The following NAV2 variants were observed in gnomAD, a reference collection of about 807,000 sequenced individuals.
The protein encoded by NAV2 is neuron navigator 2.
In NAV2, 54 loss-of-function variants were observed where a neutral mutation model predicts 223.2. The observed-to-expected ratio is 0.24, with a 90% confidence interval of 0.19 to 0.30. The LOEUF is 0.30. NAV2 is among the 10% of genes least tolerant of loss of function. NAV2 has a pLI of 1.00. For missense variants in NAV2, 2,806 were observed against 3,147.5 expected (o/e 0.89, Z 2.60); for synonymous variants, 1,279 against 1,239.3 (o/e 1.03, Z -0.67).
At chr11:19,746,375 T>A (rs532450057) in intron 1 of NAV2, among the ~76,000 whole-genome samples, 1 of 12,290 alleles carries the variant, frequency 8.1e-5, no homozygotes, top group Admixed American at 1.5e-3. Flanking sequence ...CGTTTGTATG[T>A]TTTTTTTTAA....
intron 1 of NAV2, among the ~76,000 whole-genome samples, chr11:19,497,822 A>G (rs2042845590): frequency 2.0e-5 from 3 of 152,170 alleles, no homozygotes; most frequent in Admixed American, 2.0e-4. Flanking sequence ...CTTCTGCTCC[A>G]TCACTGTGTT....
chr11:20,013,021 C>G (rs2053697328), intron 11 of NAV2, among the ~76,000 whole-genome samples: 1 of 152,110 alleles, frequency 6.6e-6, no homozygotes, highest in African/African-American at 2.4e-5. Context: ...ACAGTAAACA[C>G]CATGATAAGA....
intron 6 of NAV2, among the ~76,000 whole-genome samples, chr11:19,911,802 A>G (rs1465873395): frequency 6.6e-6 from 1 of 152,148 alleles, no homozygotes; most frequent in Non-Finnish European, 1.5e-5. Context: ...CTTTGCTAAT[A>G]ACTTGGTTGA....
intron 11 of NAV2, among the ~76,000 whole-genome samples, chr11:20,025,755 C>T (rs1368884977): frequency 6.6e-6 from 1 of 152,210 alleles, no homozygotes; most frequent in African/African-American, 2.4e-5. Flanking sequence ...TGGCCTTGCA[C>T]CTGGCACCGT....
intron 36 of NAV2, among the ~76,000 whole-genome samples, chr11:20,112,803 C>T (rs911117565): frequency 6.6e-6 from 1 of 152,216 alleles, no homozygotes; most frequent in African/African-American, 2.4e-5. Context: ...ATTGGCCCAT[C>T]TGGTAAATGA....
chr11:19,800,848 G>A (rs981494508), intron 1 of NAV2, among the ~76,000 whole-genome samples: 2 of 152,128 alleles, frequency 1.3e-5, no homozygotes, highest in African/African-American at 4.8e-5. Flanking sequence ...TCCCAGTCTG[G>A]TCTGTAGCCT....
At chr11:19,897,059 A>G (rs536621262) in intron 6 of NAV2, among the ~76,000 whole-genome samples, 330 of 152,244 alleles carry the variant, frequency 2.2e-3, no homozygotes, top group Non-Finnish European at 3.9e-3. Context: ...AGCCATAAAA[A>G]ATGATGAGTT....
At chr11:19,616,110 G>T (rs542059735) in intron 1 of NAV2, among the ~76,000 whole-genome samples, 1,778 of 149,398 alleles carry the variant, frequency 0.012, 12 homozygotes, top group Non-Finnish European at 0.02. Flanking sequence ...CATTCACGGG[G>T]TTTTTTTTTT....
chr11:19,860,023 C>T (rs919883238), intron 3 of NAV2, among the ~76,000 whole-genome samples: 2 of 109,712 alleles, frequency 1.8e-5, no homozygotes, highest in Non-Finnish European at 3.8e-5. Flanking sequence ...CCGGATGGGG[C>T]GGCTGGCCAG....
At chr11:19,979,593 T>C (rs1367471282) in intron 10 of NAV2, among the ~76,000 whole-genome samples, 4 of 152,210 alleles carry the variant, frequency 2.6e-5, no homozygotes, top group African/African-American at 9.7e-5. Flanking sequence ...TTCTCCCGTG[T>C]GTTCTCAAAG....
At chr11:19,654,231 A>G (rs1272723039) in intron 1 of NAV2, among the ~76,000 whole-genome samples, 5 of 152,244 alleles carry the variant, frequency 3.3e-5, no homozygotes, top group African/African-American at 4.8e-5. Flanking sequence ...ACTGCTCAAC[A>G]AAATAAAAGA....
chr11:19,626,696 A>C (rs2047181892), intron 1 of NAV2, among the ~76,000 whole-genome samples: 1 of 152,076 alleles, frequency 6.6e-6, no homozygotes. Flanking sequence ...CATCTTCTTA[A>C]ATTTCTTTCA....
At position 20,076,320 on chromosome 11, in the gene NAV2, C is replaced by G. The variant is rs544504339; in HGVS notation, c.4984-1232C>G. On this transcript the variant is annotated intron_variant, in intron 22 of 37. Coordinates refer to ENST00000349880, the MANE Select transcript of NAV2 (RefSeq NM_145117.5). ...TTCAATCCTTTAATTGCTCATCCAA[C>G]ATATATGATTGAGTGGCTGTTTTTG... Among the ~76,000 whole-genome samples, 8 of 152,302 alleles carry G rather than the reference C, an allele frequency of 5.3e-5. No homozygotes were observed. In the South Asian group the frequency reaches 1.7e-3, roughly 32 times the overall value.
At chr11:19,554,854 G>A (rs936116031) in intron 1 of NAV2, among the ~76,000 whole-genome samples, 1 of 151,964 alleles carries the variant, frequency 6.6e-6, no homozygotes, top group Non-Finnish European at 1.5e-5. Context: ...GGCTGAGGCA[G>A]GAGAATCACT....
intron 11 of NAV2, among the ~76,000 whole-genome samples, chr11:20,023,935 A>G (rs901498482): frequency 6.6e-6 from 1 of 152,160 alleles, no homozygotes; most frequent in African/African-American, 2.4e-5. Context: ...TTGCAAAGCC[A>G]GGGAGATTAC....
chr11:20,114,505 TG>T, intron 36 of NAV2, 86 bp from the exon 37 acceptor site: 2 of 1,194,476 alleles, frequency 1.7e-6, no homozygotes, highest in Non-Finnish European at 2.4e-6. Context: ...ATGCTGGATT[TG>T]GGGAGTTTTT....
chr11:19,955,466 T>C (rs75037363), intron 10 of NAV2, among the ~76,000 whole-genome samples: 1 of 152,332 alleles, frequency 6.6e-6, no homozygotes, highest in African/African-American at 2.4e-5. Context: ...CTAAATGAAT[T>C]TGTGCCTATG....
intron 1 of NAV2, among the ~76,000 whole-genome samples, chr11:19,495,928 C>T (rs1216101479): frequency 6.6e-6 from 1 of 152,022 alleles, no homozygotes; most frequent in African/African-American, 2.4e-5. Flanking sequence ...GGAAAAAGGA[C>T]AGAGGATGCG....
chr11:19,478,932 C>G (rs2042200532), intron 1 of NAV2, among the ~76,000 whole-genome samples: 1 of 152,216 alleles, frequency 6.6e-6, no homozygotes, highest in African/African-American at 2.4e-5. Context: ...TTTTTCATTA[C>G]ACGAGACAGG....
Sources: gnomAD v4.1 joint callset for allele counts (sites outside exome capture counted in the v4.1 genomes callset) on GRCh38, gnomAD v4.1.1 for gene constraint, MANE v1.5 for transcripts, NCBI Gene and HGNC (gene_info 2026-07-23, HGNC 2026-07-21) for gene names.